The following KCNAB2 variants were observed in gnomAD, a reference collection of about 807,000 sequenced individuals.
KCNAB2 encodes voltage-gated potassium channel subunit beta-2.
KCNAB2 carries 29 observed loss-of-function variants against 63.6 expected under a neutral mutation model. The observed-to-expected ratio is 0.46, with a 90% CI of 0.34 to 0.62. The LOEUF is 0.62. Ranked by LOEUF, KCNAB2 falls within the 20% of genes least tolerant of loss-of-function variation. KCNAB2 has a pLI of 0.01. For missense variants in KCNAB2, 359 were observed against 563.9 expected, an observed-to-expected ratio of 0.64 and a Z score of 3.68; for synonymous variants, 222 against 224.2, an observed-to-expected ratio of 0.99 and a Z score of 0.09.
rs1665654634 is a variant in KCNAB2 at position 6,096,540 on chromosome 1, G to C, written c.949-96G>C. On this transcript the variant is annotated intron_variant, in intron 13 of 15. Transcript: ENST00000378083. The surrounding 1 kb of genome is among the most constrained non-coding windows in gnomAD (Gnocchi z 5.9). ...GAGAAGAGCCCCTATGAGGGAGAAG[G>C]GTCCAGAAGGAATGAGCCCATCGGC... is the stretch of plus-strand genomic sequence containing the variant. 13 of 1,440,602 alleles carry C rather than the reference G, an allele frequency of 9.0e-6. No individual in the cohort carries two copies. The highest frequency in any genetic ancestry group is 1.2e-5 in the Non-Finnish European group (13 of 1,076,272). 89.2% of individuals were successfully genotyped at this position (1,440,602 alleles called of 1,614,324 possible). A position where few individuals can be genotyped will look rare whatever the true frequency, so the allele number is the denominator to read the frequency against.
chr1:6,031,837 C>T (rs545597588), upstream of KCNAB2, among the ~76,000 whole-genome samples: 6 of 152,106 alleles, frequency 3.9e-5, no homozygotes, highest in Non-Finnish European at 5.9e-5. This position sits in a 1 kb window ranked among gnomAD's most constrained non-coding sequence, Gnocchi z 4.1. Context: ...TGCAGTGAGC[C>T]GTGATCATGC....
intron 2 of KCNAB2, among the ~76,000 whole-genome samples, chr1:6,062,422 A>G (rs989397971): frequency 1.3e-5 from 2 of 152,174 alleles, no homozygotes; most frequent in Non-Finnish European, 2.9e-5. Context: ...GCATTTGTCT[A>G]GCAGCTGTTT....
In KCNAB2 at chr1:6,099,969, C is replaced by A. The variant is rs1216294828; in HGVS notation, c.*1395C>A. 3 of 1,549,520 alleles carry A rather than the reference C, an allele frequency of 1.9e-6. No individual in the cohort carries two copies. Among genetic ancestry groups the A allele is most frequent in the Non-Finnish European group, 2.6e-6 (3 of 1,146,524 alleles). ...CCAAGCAGTACCCAGGCTTTGCAGA[C>A]CACGCGGGGCAGGGCTCCACTGAAG... On this transcript the variant is annotated 3_prime_UTR_variant, in exon 16 of 16. Coordinates refer to ENST00000378083, the MANE Select transcript of KCNAB2 (RefSeq NM_001199862.2).
intron 2 of KCNAB2, among the ~76,000 whole-genome samples, chr1:6,062,177 G>A (rs970029625): frequency 3.9e-5 from 6 of 152,146 alleles, no homozygotes; most frequent in African/African-American, 1.2e-4. Context: ...AGCCGAGCGC[G>A]GTGGCACATG....
intron 1 of KCNAB2, among the ~76,000 whole-genome samples, chr1:6,017,041 C>T (rs1186681080): frequency 2.0e-5 from 3 of 152,152 alleles, no homozygotes; most frequent in African/African-American, 7.2e-5. Context: ...CAGGAGTATG[C>T]ATGGAGACAG....
At chr1:6,023,808 T>C (rs908613051) in intron 1 of KCNAB2, among the ~76,000 whole-genome samples, 1 of 152,182 alleles carries the variant, frequency 6.6e-6, no homozygotes, top group African/African-American at 2.4e-5. Flanking sequence ...GGTCTTCTTA[T>C]GTTGCCCAGG....
intron 1 of KCNAB2, among the ~76,000 whole-genome samples, chr1:6,001,751 T>C (rs774051488): frequency 3.5e-4 from 54 of 152,230 alleles, no homozygotes; most frequent in Admixed American, 2.4e-3. Flanking sequence ...TGTGGGGCAG[T>C]GTTGCTCACA....
At chr1:5,995,671 C>T (rs953153371) in intron 1 of KCNAB2, among the ~76,000 whole-genome samples, 8 of 152,156 alleles carry the variant, frequency 5.3e-5, no homozygotes, top group African/African-American at 1.4e-4. Context: ...GCACCAGGTC[C>T]GTGGTGGGAT....
At chr1:6,047,491 G>A (rs998183126) in intron 1 of KCNAB2, among the ~76,000 whole-genome samples, 5 of 152,264 alleles carry the variant, frequency 3.3e-5, no homozygotes, top group Non-Finnish European at 7.4e-5. Flanking sequence ...GGGAGCCCCC[G>A]CTGTACAGAG....
intron 1 of KCNAB2, chr1:5,996,048 ACCCGCCATGTTCAGGC>A (rs1024634352): frequency 3.3e-5 from 5 of 152,250 alleles, no homozygotes; most frequent in Admixed American, 2.0e-4. Context: ...GTGACGGGTG[ACCCGCCATGTTCAGGC>A]CCCTCCTGGT....
In KCNAB2 at chr1:6,086,694, T is replaced by C. The variant is rs1319721526; in HGVS notation, c.426-773T>C. On this transcript the variant is annotated intron_variant, in intron 6 of 15. Coordinates refer to ENST00000378083, the MANE Select transcript of KCNAB2 (RefSeq NM_001199862.2). This position sits in a 1 kb window ranked among gnomAD's most constrained non-coding sequence, Gnocchi z 4.2. ...GGACAAAGCCACTGGTATGGGCATTTGTCTCGTGTGGACTTAGAGCAGAAG... is the reference window on the plus strand; with the variant it reads ...GGACAAAGCCACTGGTATGGGCATTCGTCTCGTGTGGACTTAGAGCAGAAG... Among the ~76,000 whole-genome samples the C allele has an allele frequency of 6.6e-6, 1 of 152,172 alleles. No individual in the cohort carries two copies. Among genetic ancestry groups the C allele is most frequent in the Admixed American group, 6.5e-5 (1 of 15,274 alleles).
At chr1:6,084,938 A>T (rs1288763979) in intron 5 of KCNAB2, among the ~76,000 whole-genome samples, 2 of 152,274 alleles carry the variant, frequency 1.3e-5, no homozygotes, top group East Asian at 3.9e-4. Context: ...TCTGTGTGAG[A>T]GCTGGGGCCG....
In KCNAB2 at chr1:6,046,002, A is replaced by G. The variant is rs907236760; in HGVS notation, c.-208A>G. 82 of 985,192 alleles carry G rather than the reference A, an allele frequency of 8.3e-5. No homozygotes were observed. Among genetic ancestry groups the G allele is most frequent in the Admixed American group, 1.2e-4 (2 of 16,250 alleles). 61.0% of individuals were successfully genotyped at this position (985,192 alleles called of 1,614,324 possible). ...AGATGAAAACGCCCTAATAGAACTA[A>G]TGGACTCGCTGCCTCAAAACTCGAC... On this transcript the variant is annotated 5_prime_UTR_variant, in exon 1 of 16. An upstream start codon of the reference 5' UTR is lost. Transcript: ENST00000378083.
chr1:6,017,737 G>A (rs938131424), intron 1 of KCNAB2, among the ~76,000 whole-genome samples: 3 of 151,700 alleles, frequency 2.0e-5, no homozygotes, highest in African/African-American at 4.9e-5. Context: ...GTTGCAGTGA[G>A]CCAAGATAGC....
upstream of KCNAB2, among the ~76,000 whole-genome samples, chr1:6,033,869 A>G (rs78930468): frequency 0.03 from 4,544 of 152,276 alleles, 392 homozygotes; most frequent in East Asian, 0.32. Flanking sequence ...TCCATGCTTC[A>G]GTTTCTCCAA....
In KCNAB2 at chr1:6,095,546, C is replaced by T; in HGVS notation, c.870C>T (p.Thr290=). ...CCTCTTCAGGAGTGGGCGCCATGACCTGGTCCCCTCTGGCCTGTGGCATTG... is the reference window on the plus strand; with the variant it reads ...CCTCTTCAGGAGTGGGCGCCATGACTTGGTCCCCTCTGGCCTGTGGCATTG... ...LFHKIGVGAM[T]WSPLACGIVS... Residue 290 remains threonine, a synonymous_variant, in exon 13 of 16, where the codon ACC becomes ACT. Coordinates refer to ENST00000378083, the MANE Select transcript of KCNAB2 (RefSeq NM_001199862.2). 7.4e-6 allele frequency: 12 copies of T among 1,613,398 alleles called. No individual in the cohort carries two copies. The highest frequency in any genetic ancestry group is 9.3e-6 in the Non-Finnish European group (11 of 1,179,970).
chr1:6,003,850 C>G lies in KCNAB2; in HGVS notation c.-53+11062C>G, dbSNP rs1657401133. ...CAGAGGCATGGCTGGCCCCAGCTTG[C>G]AGCGGTCGCTTCTGCATCTCTTTTT... On this transcript the variant is annotated intron_variant, in intron 1 of 16. Coordinates refer to the KCNAB2 transcript ENST00000341524. This position sits in a 1 kb window ranked among gnomAD's most constrained non-coding sequence, Gnocchi z 4.1. 6.6e-6 allele frequency among the ~76,000 whole-genome samples: 1 copy of G among 152,234 alleles called. No homozygotes were observed. The highest frequency in any genetic ancestry group is 1.5e-5 in the Non-Finnish European group (1 of 68,034).
rs1331540687 is a variant in KCNAB2 at position 6,096,791 on chromosome 1, G to A, written c.1069+35G>A. On this transcript the variant is annotated intron_variant, in intron 14 of 15. Coordinates refer to ENST00000378083, the MANE Select transcript of KCNAB2 (RefSeq NM_001199862.2). The surrounding 1 kb of genome is among the most constrained non-coding windows in gnomAD (Gnocchi z 5.9). ...GGGTCGCCATGGGGCCAGTGCCCCTGGGGAGAACCTGCCCCAGCTGGCCGT... is the reference window on the plus strand; with the variant it reads ...GGGTCGCCATGGGGCCAGTGCCCCTAGGGAGAACCTGCCCCAGCTGGCCGT... 3.3e-6 allele frequency: 5 copies of A among 1,528,260 alleles called. No individual in the cohort carries two copies. Among genetic ancestry groups the A allele is most frequent in the Non-Finnish European group, 4.4e-6 (5 of 1,132,038 alleles). 94.7% of individuals were successfully genotyped at this position (1,528,260 alleles called of 1,614,324 possible).
At chr1:6,055,909 T>C (rs1048953590) in intron 2 of KCNAB2, among the ~76,000 whole-genome samples, 74 of 152,192 alleles carry the variant, frequency 4.9e-4, no homozygotes, top group African/African-American at 1.4e-3. Flanking sequence ...GTCTTAAATA[T>C]GAATATAGAA....
Sources: allele counts gnomAD v4.1 joint callset (sites outside exome capture counted in the v4.1 genomes callset), GRCh38; gene constraint gnomAD v4.1.1; non-coding constraint Gnocchi (gnomAD v3.1); transcripts MANE v1.5; gene names NCBI Gene and HGNC (gene_info 2026-07-23, HGNC 2026-07-21).